The following ASB3 variants were observed in gnomAD, a reference collection of about 807,000 sequenced individuals.
The protein encoded by ASB3 is ankyrin repeat and SOCS box containing 3.
A neutral mutation model predicts 54.5 loss-of-function variants in ASB3; 41 were observed. The observed-to-expected ratio is 0.75, with a 90% CI of 0.59 to 0.98. ASB3 has a LOEUF of 0.98. Ranked by LOEUF, ASB3 falls within the 50% of genes least tolerant of loss-of-function variation. ASB3 has a pLI of 0.00. For missense variants in ASB3, 733 were observed against 620.0 expected (o/e 1.18, Z -1.94); for synonymous variants, 266 against 221.2 (o/e 1.20, Z -1.80).
intron 3 of ASB3, among the ~76,000 whole-genome samples, chr2:53,731,680 C>A (rs1050342014): frequency 6.6e-6 from 1 of 152,116 alleles, no homozygotes; most frequent in African/African-American, 2.4e-5. Context: ...TTGAGACAAG[C>A]CTCGCTCTGT....
At chr2:53,717,647 C>A (rs1670473125) in intron 5 of ASB3, among the ~76,000 whole-genome samples, 1 of 152,134 alleles carries the variant, frequency 6.6e-6, no homozygotes, top group African/African-American at 2.4e-5. Flanking sequence ...AATATAGTGA[C>A]ACCACTGAAG....
At chr2:53,768,979 GA>G (rs1310608238) in intron 1 of ASB3, among the ~76,000 whole-genome samples, 1 of 152,178 alleles carries the variant, frequency 6.6e-6, no homozygotes, top group Non-Finnish European at 1.5e-5. Flanking sequence ...ATCACGAAAA[GA>G]ACCTGAATTA....
intron 7 of ASB3, 81 bp from the exon 8 acceptor site, chr2:53,700,609 T>C: frequency 6.7e-7 from 1 of 1,500,916 alleles, no homozygotes. Flanking sequence ...TTAATAGTAG[T>C]TACAGCTGGG....
chr2:53,728,526 G>A (rs1439328712), intron 5 of ASB3, among the ~76,000 whole-genome samples, 186 bp downstream of exon 5: 1 of 152,150 alleles, frequency 6.6e-6, no homozygotes, highest in African/African-American at 2.4e-5. Context: ...GCTGTGCACT[G>A]CATTGTTAGT....
intron 8 of ASB3, among the ~76,000 whole-genome samples, chr2:53,694,900 C>T (rs76039968): frequency 0.045 from 6,831 of 152,084 alleles, 167 homozygotes; most frequent in Non-Finnish European, 0.064. Context: ...ATTGGTATTA[C>T]CAGAAACGAT....
intron 5 of ASB3, among the ~76,000 whole-genome samples, chr2:53,723,866 T>C (rs1028901791): frequency 2.0e-5 from 3 of 152,190 alleles, no homozygotes; most frequent in Non-Finnish European, 4.4e-5. Flanking sequence ...GGTGCTAGTA[T>C]AGCTGGCTAG....
intron 3 of ASB3, among the ~76,000 whole-genome samples, chr2:53,735,171 C>T (rs1671551047): frequency 6.6e-6 from 1 of 152,018 alleles, no homozygotes; most frequent in Non-Finnish European, 1.5e-5. Context: ...TAGCCTGCCT[C>T]GGCCTCCCAA....
chr2:53,780,696 T>C (rs1467416951), intron 1 of ASB3, among the ~76,000 whole-genome samples: 5 of 152,188 alleles, frequency 3.3e-5, no homozygotes, highest in African/African-American at 9.7e-5. Flanking sequence ...AAGGATCTCT[T>C]GAGCCCAGAA....
At chr2:53,755,860 GA>G (rs1672785252) in intron 2 of ASB3, among the ~76,000 whole-genome samples, 2 of 152,084 alleles carry the variant, frequency 1.3e-5, no homozygotes, top group Non-Finnish European at 2.9e-5. Context: ...GCTCTTTAAA[GA>G]TAAGGCAAGG....
chr2:53,778,152 A>C (rs1363202904), intron 1 of ASB3, among the ~76,000 whole-genome samples: 1 of 131,888 alleles, frequency 7.6e-6, no homozygotes, highest in African/African-American at 3.2e-5. Context: ...CTTGTCTCAA[A>C]AAAAAAAAAA....
chr2:53,682,335 T>G (rs1572835163), intron 9 of ASB3, among the ~76,000 whole-genome samples: 1 of 152,222 alleles, frequency 6.6e-6, no homozygotes, highest in Non-Finnish European at 1.5e-5. Flanking sequence ...TGATGTATCC[T>G]CTTTAATTTC....
intron 1 of ASB3, among the ~76,000 whole-genome samples, chr2:53,775,381 T>A (rs186056918): frequency 9.3e-5 from 14 of 150,912 alleles, no homozygotes; most frequent in East Asian, 1.9e-4. Flanking sequence ...ACATATAAAA[T>A]TTTTTTTTTC....
At chr2:53,785,611 G>A (rs1272153323) in intron 1 of ASB3, among the ~76,000 whole-genome samples, 1 of 152,254 alleles carries the variant, frequency 6.6e-6, no homozygotes, top group Non-Finnish European at 1.5e-5. Flanking sequence ...GGAAGGCCGA[G>A]GAGGGCGGAT....
At chr2:53,700,710 C>A (rs567765936) in intron 7 of ASB3, among the ~76,000 whole-genome samples, 182 bp from the exon 8 acceptor site, 1 of 151,904 alleles carries the variant, frequency 6.6e-6, no homozygotes, top group Admixed American at 6.6e-5. Context: ...CTTTTTACAC[C>A]CTCCTGCATG....
At chr2:53,772,417 G>A (rs1573015029) in intron 1 of ASB3, among the ~76,000 whole-genome samples, 1 of 151,822 alleles carries the variant, frequency 6.6e-6, no homozygotes, top group African/African-American at 2.4e-5. Context: ...CTCGTGATCC[G>A]CCCGCCTTGG....
At chr2:53,753,872 C>A (rs1672668077) in intron 2 of ASB3, among the ~76,000 whole-genome samples, 1 of 151,962 alleles carries the variant, frequency 6.6e-6, no homozygotes, top group Non-Finnish European at 1.5e-5. Context: ...AACTCCTGGC[C>A]TCAGGTGATC....
intron 3 of ASB3, among the ~76,000 whole-genome samples, chr2:53,738,879 A>G (rs1323693788): frequency 6.6e-6 from 1 of 152,224 alleles, no homozygotes; most frequent in Non-Finnish European, 1.5e-5. Flanking sequence ...GCATTTCAGA[A>G]GGCAGAGCTC....
intron 9 of ASB3, among the ~76,000 whole-genome samples, chr2:53,689,493 G>A (rs900797782): frequency 1.3e-5 from 2 of 152,154 alleles, no homozygotes; most frequent in African/African-American, 4.8e-5. Context: ...GCAGACAACT[G>A]GAATGCTAGT....
intron 3 of ASB3, among the ~76,000 whole-genome samples, chr2:53,740,169 CTTT>C (rs1184291654): frequency 6.6e-6 from 1 of 152,118 alleles, no homozygotes; most frequent in Non-Finnish European, 1.5e-5. Flanking sequence ...GGTATCTCTA[CTTT>C]TTTGAGTTCT....
Sources: allele counts gnomAD v4.1 joint callset (sites outside exome capture counted in the v4.1 genomes callset), GRCh38; gene constraint gnomAD v4.1.1; transcripts MANE v1.5; gene names NCBI Gene and HGNC (gene_info 2026-07-23, HGNC 2026-07-21).